Variants in MEGF11 observed in about 807,000 individuals in gnomAD.
MEGF11 encodes multiple epidermal growth factor-like domains protein 11.
MEGF11 carries 126 observed loss-of-function variants against 146.6 expected under a neutral mutation model. The ratio of observed to expected loss-of-function variants is 0.86; its 90% CI spans 0.74 to 1.00. The LOEUF is 1.00. Among genes scored for constraint, MEGF11 ranks in the 50% least tolerant of loss-of-function variants. The probability of loss-of-function intolerance (pLI) is 0.00; values close to 1 mark genes in which losing one functional copy is unlikely to be tolerated. For synonymous variants in MEGF11, 532 were observed against 583.4 expected (o/e 0.91, Z 1.27); for missense variants, 1,509 against 1,521.2 (o/e 0.99, Z 0.13).
chr15:66,160,250 T>C (rs2089904215), intron 1 of MEGF11, among the ~76,000 whole-genome samples: 2 of 145,204 alleles, frequency 1.4e-5, no homozygotes, highest in South Asian at 2.1e-4. Context: ...GCCCTCTCTC[T>C]CTCTCTCTCT....
At chr15:66,119,672 AC>A (rs1210827657) in intron 3 of MEGF11, among the ~76,000 whole-genome samples, 1 of 151,148 alleles carries the variant, frequency 6.6e-6, no homozygotes, top group African/African-American at 2.4e-5. Context: ...CAGCAAAAGG[AC>A]CCTTTGAGTC....
intron 10 of MEGF11, among the ~76,000 whole-genome samples, chr15:65,937,353 C>G (rs72742827): frequency 0.03 from 4,564 of 152,340 alleles, 130 homozygotes; most frequent in Middle Eastern, 0.068. Context: ...CCTACTCCCT[C>G]AGCCAGGCCT....
At chr15:66,086,140 G>A (rs2086099789) in intron 5 of MEGF11, among the ~76,000 whole-genome samples, 1 of 152,032 alleles carries the variant, frequency 6.6e-6, no homozygotes, top group African/African-American at 2.4e-5. Flanking sequence ...TATGAACAAA[G>A]CCTCCAAGAA....
chr15:66,153,762 G>A (rs991049706), intron 1 of MEGF11, among the ~76,000 whole-genome samples: 4 of 152,126 alleles, frequency 2.6e-5, no homozygotes, highest in African/African-American at 9.7e-5. Context: ...TTTAGAATCA[G>A]GAACCTGGGT....
At chr15:65,907,408 T>C (rs2078661788) in intron 23 of MEGF11, among the ~76,000 whole-genome samples, 2 of 152,038 alleles carry the variant, frequency 1.3e-5, no homozygotes, top group Admixed American at 1.3e-4. Context: ...GATTCTCCTG[T>C]CTCAACCTCC....
At chr15:66,043,535 G>T (rs1238612705) in intron 5 of MEGF11, among the ~76,000 whole-genome samples, 2 of 152,254 alleles carry the variant, frequency 1.3e-5, no homozygotes, top group African/African-American at 4.8e-5. Flanking sequence ...TGACACAAAA[G>T]AAGCCATATT....
chr15:66,054,237 G>T lies in MEGF11; in HGVS notation c.394+40165C>A, dbSNP rs532240535. ...GCTCCTAGCCAGCTGCTCTCCACTG[G>T]CTGGCAGTCCACCCTGTACTCTAGC... On this transcript the variant is annotated intron_variant, in intron 5 of 25. Transcript: ENST00000395614. 2.6e-5 allele frequency among the ~76,000 whole-genome samples: 4 copies of T among 152,282 alleles called. No individual in the cohort carries two copies. The South Asian group carries it at 8.3e-4, about 32-fold the overall frequency.
At chr15:66,213,965 C>T (rs1029035918) in intron 1 of MEGF11, among the ~76,000 whole-genome samples, 1 of 151,808 alleles carries the variant, frequency 6.6e-6, no homozygotes, top group African/African-American at 2.4e-5. Flanking sequence ...AGGATATGGC[C>T]GCCAACCCTT....
At chr15:66,119,982 G>A (rs545130250) in intron 3 of MEGF11, among the ~76,000 whole-genome samples, 41 of 152,220 alleles carry the variant, frequency 2.7e-4, no homozygotes, top group Admixed American at 8.5e-4. Flanking sequence ...CTCTTTTAGA[G>A]CTTTTATTCT....
Position 65,897,746 on chromosome 15 carries a change from C to G in MEGF11, c.*188G>C, listed in dbSNP as rs192043287. On this transcript the variant is annotated 3_prime_UTR_variant, in exon 26 of 26. Transcript: ENST00000395614. ...GGGCTGAGTGGGTGATAGGATTTGC[C>G]TTTGAGAACACAATTCCTTGAACAA... The G allele has an allele frequency of 1.1e-4, 56 of 508,380 alleles. No homozygotes were observed. The highest frequency in any genetic ancestry group is 7.3e-4 in the East Asian group (22 of 30,300). The allele number at this position is 508,380 out of a possible 1,614,324, so 31.5% of individuals were successfully genotyped here. A position where few individuals can be genotyped will look rare whatever the true frequency, so the allele number is the denominator to read the frequency against.
chr15:66,215,916 G>C (rs575712890), intron 1 of MEGF11, among the ~76,000 whole-genome samples: 1 of 152,136 alleles, frequency 6.6e-6, no homozygotes. Context: ...ACTTCAGTGA[G>C]AGACTTTGAA....
rs1430474616 is a variant in MEGF11, at chr15:65,929,811, G to T, written c.1481C>A (p.Thr494Asn). 1 of 1,579,894 alleles carries T rather than the reference G, an allele frequency of 6.3e-7. No homozygotes were observed. The highest frequency in any genetic ancestry group is 8.6e-7 in the Non-Finnish European group (1 of 1,163,122). Residue 494 changes from threonine to asparagine, a missense_variant, in exon 12 of 26, where the codon ACC (threonine) becomes AAC (asparagine). Transcript: ENST00000395614. ...TWGLNCNESC[T>N]CANGAACSPI... The stretch of plus-strand genomic sequence containing the variant: ...GCTGCAGGCTGCCCCATTGGCACAG[G>T]TGCAGCTCTCGTTGCAGTTCAGGCC...
intron 1 of MEGF11, among the ~76,000 whole-genome samples, chr15:66,227,453 T>C (rs2091877629): frequency 1.3e-5 from 2 of 152,134 alleles, no homozygotes; most frequent in African/African-American, 4.8e-5. Flanking sequence ...TTCACACAAA[T>C]GAAAACAGAA....
chr15:66,129,836 C>T (rs947427151), intron 1 of MEGF11, among the ~76,000 whole-genome samples: 3 of 152,168 alleles, frequency 2.0e-5, no homozygotes, highest in Non-Finnish European at 4.4e-5. Flanking sequence ...TCTGTATAAC[C>T]GTGGGGGTCT....
rs1250640692 is a variant in MEGF11, at chr15:65,909,069, C to CT, written c.2962dup (p.Arg988LysfsTer8). On this transcript the variant is annotated frameshift_variant, in exon 23 of 26. Coordinates refer to ENST00000395614, the MANE Select transcript of MEGF11 (RefSeq NM_001385028.1). LOFTEE classifies it high-confidence loss of function. ...TGGCTCAGCGGGGCGGCTGAGGTGT[C>CT]TAAGTTCAATGTAGAAGTCCTCGGG... 1.6e-5 allele frequency: 24 copies of CT among 1,535,518 alleles called. No individual in the cohort carries two copies. The highest frequency in any genetic ancestry group is 2.0e-5 in the Non-Finnish European group (23 of 1,146,736).
chr15:65,979,168 G>A (rs2081550450), intron 7 of MEGF11, among the ~76,000 whole-genome samples: 1 of 152,132 alleles, frequency 6.6e-6, no homozygotes, highest in Non-Finnish European at 1.5e-5. Context: ...ATGAAGACCT[G>A]CAGACAGGAC....
At chr15:66,196,111 G>C (rs1010865377) in intron 1 of MEGF11, among the ~76,000 whole-genome samples, 2 of 152,104 alleles carry the variant, frequency 1.3e-5, no homozygotes, top group Admixed American at 6.6e-5. Context: ...GGCTGGAACC[G>C]GGGGAGAACC....
chr15:66,178,446 T>A (rs1209001098), intron 1 of MEGF11, among the ~76,000 whole-genome samples: 1 of 152,006 alleles, frequency 6.6e-6, no homozygotes, highest in Non-Finnish European at 1.5e-5. Flanking sequence ...TTTGCAGTGG[T>A]GTACCCTGGT....
intron 1 of MEGF11, among the ~76,000 whole-genome samples, chr15:66,191,763 T>C (rs1264078686): frequency 6.6e-6 from 1 of 152,160 alleles, no homozygotes; most frequent in African/African-American, 2.4e-5. Flanking sequence ...AGTGGATGCC[T>C]GGGTTATAAT....
Sources: allele counts gnomAD v4.1 joint callset (sites outside exome capture counted in the v4.1 genomes callset), GRCh38; gene constraint gnomAD v4.1.1; transcripts MANE v1.5; gene names NCBI Gene and HGNC (gene_info 2026-07-23, HGNC 2026-07-21).